Variants in ABCC1 observed in about 807,000 individuals in gnomAD.
The protein encoded by ABCC1 is ATP binding cassette subfamily C member 1 (ABCC1 blood group), also known as multidrug resistance-associated protein 1.
A neutral mutation model predicts 172.9 loss-of-function variants in ABCC1; 83 were observed. That is an observed-to-expected ratio of 0.48 (90% CI 0.40 to 0.58). The LOEUF (loss-of-function observed/expected upper bound fraction) is 0.58. Ranked by LOEUF, ABCC1 falls within the 20% of genes least tolerant of loss-of-function variation. The pLI is 0.00. For synonymous variants in ABCC1, 937 were observed against 825.2 expected (o/e 1.14, Z -2.32); for missense variants, 1,817 against 2,002.7 (o/e 0.91, Z 1.77).
chr16:16,065,078 T>G (rs537384422), intron 12 of ABCC1, among the ~76,000 whole-genome samples: 22 of 152,134 alleles, frequency 1.4e-4, no homozygotes, highest in Non-Finnish European at 2.8e-4. Context: ...CCCTGGGGCA[T>G]TACTGTGCCC....
chr16:16,050,446 G>A (rs544374968), intron 10 of ABCC1, among the ~76,000 whole-genome samples: 12 of 151,858 alleles, frequency 7.9e-5, no homozygotes, highest in African/African-American at 2.4e-4. Flanking sequence ...GCAACAGAGC[G>A]AGACTCTGTC....
chr16:16,077,530 A>AGTCTCACGTGGACAGTGGCAGGTACT (rs565495572), intron 15 of ABCC1, among the ~76,000 whole-genome samples: 2 of 152,016 alleles, frequency 1.3e-5, no homozygotes. Context: ...AGAATATTTC[A>AGTCTCACGTGGACAGTGGCAGGTACT]GTCTCACGTG....
At chr16:16,066,104 T>G (rs2050104678) in intron 12 of ABCC1, among the ~76,000 whole-genome samples, 1 of 152,162 alleles carries the variant, frequency 6.6e-6, no homozygotes, top group African/African-American at 2.4e-5. Context: ...CAACCAGTAA[T>G]CTGCTTTCTG....
chr16:15,991,747 G>A (rs570071645), intron 1 of ABCC1, among the ~76,000 whole-genome samples: 63 of 152,246 alleles, frequency 4.1e-4, no homozygotes, highest in Non-Finnish European at 7.2e-4. Flanking sequence ...ACGGGGAGGA[G>A]TAAATGTGCT....
At chr16:16,028,685 G>A (rs1033246663) in intron 5 of ABCC1, among the ~76,000 whole-genome samples, 2 of 152,074 alleles carry the variant, frequency 1.3e-5, no homozygotes, top group Admixed American at 6.6e-5. Flanking sequence ...GAGAAATTCC[G>A]CTTTACGACA....
chr16:16,094,814 CTTTTTTTTTTTTT>C (rs895974418), intron 19 of ABCC1, among the ~76,000 whole-genome samples: 1 of 120,636 alleles, frequency 8.3e-6, no homozygotes, highest in African/African-American at 3.6e-5. Flanking sequence ...TGCGCCTGGC[CTTTTTTTTTTTTT>C]TTTTTTTTTG....
At chr16:16,026,871 C>A (rs561397143) in intron 5 of ABCC1, among the ~76,000 whole-genome samples, 8 of 151,946 alleles carry the variant, frequency 5.3e-5, no homozygotes, top group Admixed American at 3.3e-4. Context: ...GAGCCGAGAT[C>A]GGGCCACTGC....
intron 27 of ABCC1, among the ~76,000 whole-genome samples, chr16:16,132,507 G>GTTTTTTTTTTTT (rs1379143382): frequency 1.3e-5 from 1 of 75,066 alleles, no homozygotes; most frequent in African/African-American, 5.5e-5. Flanking sequence ...TTTTTGGTTG[G>GTTTTTTTTTTTT]TTGTTTTTTT....
intron 1 of ABCC1, among the ~76,000 whole-genome samples, chr16:15,988,395 A>G (rs215075): frequency 0.11 from 17,354 of 152,124 alleles, 1,522 homozygotes; most frequent in African/African-American, 0.25. Context: ...CCTCAGCCCT[A>G]GGAACCGTGC....
chr16:16,080,672 C>T (rs1408128264), intron 16 of ABCC1, among the ~76,000 whole-genome samples: 1 of 152,178 alleles, frequency 6.6e-6, no homozygotes, highest in African/African-American at 2.4e-5. Context: ...CATACTCCAG[C>T]CCCCTCCCTC....
intron 7 of ABCC1, among the ~76,000 whole-genome samples, chr16:16,037,262 G>C (rs1264624214): frequency 1.3e-5 from 2 of 152,244 alleles, no homozygotes; most frequent in South Asian, 4.1e-4. Context: ...TGTCCAACAT[G>C]CCCAGCTGAC....
intron 26 of ABCC1, among the ~76,000 whole-genome samples, chr16:16,129,461 C>A (rs1350624811): frequency 6.6e-6 from 1 of 151,700 alleles, no homozygotes; most frequent in East Asian, 1.9e-4. Flanking sequence ...CGATCCTGGG[C>A]AACATGGTGA....
chr16:15,963,106 A>G (rs547237972), intron 1 of ABCC1, among the ~76,000 whole-genome samples: 24 of 152,358 alleles, frequency 1.6e-4, no homozygotes, highest in South Asian at 1.2e-3. Flanking sequence ...GGCCAAAACA[A>G]AGGGGCTGCA....
At chr16:15,949,181 G>A (rs1042205265), upstream of ABCC1, among the ~76,000 whole-genome samples, 2 of 152,138 alleles carry the variant, frequency 1.3e-5, no homozygotes, top group Non-Finnish European at 2.9e-5. Context: ...CTCTGCACCT[G>A]GGTTTCTTCC....
rs1259460115 is a variant in ABCC1 at position 16,090,645 on chromosome 16, CA to C, written c.2644+58del. On this transcript the variant is annotated intron_variant, in intron 19 of 30. Transcript: ENST00000399410. Reference sequence around the variant, plus strand: ...GGGTGTCTGGCACCTTGAAGGGCCACATTGGCCTCTTTGAGGTTGCCACCAG... The same window carrying C: ...GGGTGTCTGGCACCTTGAAGGGCCACTTGGCCTCTTTGAGGTTGCCACCAG... 4 of 1,483,098 alleles carry C rather than the reference CA, an allele frequency of 2.7e-6. No individual in the cohort carries two copies. In the African/African-American group the frequency reaches 5.6e-5, roughly 21 times the overall value. 91.9% of individuals were successfully genotyped at this position (1,483,098 alleles called of 1,614,324 possible).
At chr16:16,124,549 T>A (rs2152119148) in intron 24 of ABCC1, among the ~76,000 whole-genome samples, 1 of 152,358 alleles carries the variant, frequency 6.6e-6, no homozygotes, top group Middle Eastern at 3.4e-3. Flanking sequence ...TGGAGAGCTC[T>A]GTTTTAATCC....
At chr16:16,073,916 G>A (rs1166751351) in intron 14 of ABCC1, among the ~76,000 whole-genome samples, 1 of 152,228 alleles carries the variant, frequency 6.6e-6, no homozygotes, top group Non-Finnish European at 1.5e-5. Context: ...CGCGTGAGCT[G>A]TGTCTGGCAC....
intron 5 of ABCC1, among the ~76,000 whole-genome samples, chr16:16,022,225 G>T (rs2048218715): frequency 6.6e-6 from 1 of 152,138 alleles, no homozygotes; most frequent in South Asian, 2.1e-4. Context: ...CACTGAGTCG[G>T]CCAATCCTCC....
chr16:15,960,438 T>A (rs1321157094), intron 1 of ABCC1, among the ~76,000 whole-genome samples: 2 of 152,170 alleles, frequency 1.3e-5, no homozygotes, highest in African/African-American at 4.8e-5. Context: ...TTCATTCATT[T>A]ATTCAGTCAT....
Sources: allele counts gnomAD v4.1 joint callset (sites outside exome capture counted in the v4.1 genomes callset), GRCh38; gene constraint gnomAD v4.1.1; transcripts MANE v1.5; gene names NCBI Gene and HGNC (gene_info 2026-07-23, HGNC 2026-07-21).